The following IGF2BP3 variants were observed in gnomAD, a reference collection of about 807,000 sequenced individuals.
IGF2BP3 encodes the protein insulin like growth factor 2 mRNA binding protein 3.
IGF2BP3 carries 9 observed loss-of-function variants against 73.8 expected under a neutral mutation model. The ratio of observed to expected loss-of-function variants is 0.12; its 90% CI spans 0.07 to 0.21. The LOEUF (loss-of-function observed/expected upper bound fraction) is 0.21. Ranked by LOEUF, IGF2BP3 falls within the 10% of genes least tolerant of loss-of-function variation. The pLI is 1.00. For missense variants in IGF2BP3, 542 were observed against 714.0 expected, an observed-to-expected ratio of 0.76 and a Z score of 2.75; for synonymous variants, 258 against 256.7, an observed-to-expected ratio of 1.01 and a Z score of -0.05.
At chr7:23,365,098 G>A (rs182846976) in intron 3 of IGF2BP3, among the ~76,000 whole-genome samples, 1 of 152,064 alleles carries the variant, frequency 6.6e-6, no homozygotes, top group African/African-American at 2.4e-5. Context: ...CCTGGGAGGT[G>A]GAGGTGGCAG....
intron 2 of IGF2BP3, among the ~76,000 whole-genome samples, chr7:23,427,224 T>C (rs986531055): frequency 1.3e-5 from 2 of 152,044 alleles, no homozygotes; most frequent in African/African-American, 4.8e-5. Flanking sequence ...TGCATAAATA[T>C]AGGTGTATGA....
intron 2 of IGF2BP3, among the ~76,000 whole-genome samples, chr7:23,440,962 C>T (rs1414623660): frequency 6.6e-6 from 1 of 152,004 alleles, no homozygotes; most frequent in Non-Finnish European, 1.5e-5. Context: ...AGTTATTTAC[C>T]CCTATGTTTA....
intron 2 of IGF2BP3, among the ~76,000 whole-genome samples, chr7:23,449,544 TTTTC>T (rs1183671694): frequency 1.6e-5 from 2 of 125,292 alleles, no homozygotes; most frequent in Non-Finnish European, 1.8e-5. Context: ...TTTTTTTCCT[TTTTC>T]TTTTTCTTTT....
chr7:23,420,134 C>T (rs1200209585), intron 2 of IGF2BP3, among the ~76,000 whole-genome samples: 1 of 152,184 alleles, frequency 6.6e-6, no homozygotes, highest in Non-Finnish European at 1.5e-5. Context: ...AAAACAAAAA[C>T]TAGCAATTGA....
chr7:23,441,775 A>T (rs1047163297), intron 2 of IGF2BP3, among the ~76,000 whole-genome samples: 1 of 152,092 alleles, frequency 6.6e-6, no homozygotes, highest in Non-Finnish European at 1.5e-5. Flanking sequence ...TAAAAATATT[A>T]TACTTGTATC....
At chr7:23,321,506 G>C (rs1331614438) in intron 10 of IGF2BP3, among the ~76,000 whole-genome samples, 1 of 152,314 alleles carries the variant, frequency 6.6e-6, no homozygotes, top group South Asian at 2.1e-4. Context: ...AGGGGTGCCC[G>C]CCATTGCCCA....
At chr7:23,409,083 G>A (rs1288036054) in intron 3 of IGF2BP3, among the ~76,000 whole-genome samples, 1 of 152,136 alleles carries the variant, frequency 6.6e-6, no homozygotes, top group African/African-American at 2.4e-5. Flanking sequence ...GTTCACAATA[G>A]GGTATGCATT....
intron 10 of IGF2BP3, among the ~76,000 whole-genome samples, chr7:23,329,301 T>C (rs1259941064): frequency 2.6e-5 from 4 of 152,186 alleles, no homozygotes; most frequent in Non-Finnish European, 5.9e-5. Flanking sequence ...CTTTTTTCAC[T>C]CAAACGTCCC....
At chr7:23,345,387 A>G (rs1195352068) in intron 8 of IGF2BP3, among the ~76,000 whole-genome samples, 5 of 152,228 alleles carry the variant, frequency 3.3e-5, no homozygotes, top group African/African-American at 9.6e-5. Flanking sequence ...CTATGTCATA[A>G]AAGACATTGC....
chr7:23,366,322 G>T (rs191916913), intron 3 of IGF2BP3, among the ~76,000 whole-genome samples: 2 of 152,058 alleles, frequency 1.3e-5, no homozygotes, highest in South Asian at 4.2e-4. Context: ...ATTTTTAGTA[G>T]AGACGGGGTT....
intron 3 of IGF2BP3, among the ~76,000 whole-genome samples, chr7:23,397,300 G>C (rs1786507736): frequency 6.6e-6 from 1 of 152,234 alleles, no homozygotes; most frequent in South Asian, 2.1e-4. Flanking sequence ...CTTCTAAGAA[G>C]AGGCAGAAGC....
chr7:23,339,151 T>A (rs1414571214), intron 10 of IGF2BP3, among the ~76,000 whole-genome samples: 1 of 152,266 alleles, frequency 6.6e-6, no homozygotes, highest in African/African-American at 2.4e-5. Flanking sequence ...CTCCTTCTAA[T>A]TGCACCTATT....
chr7:23,374,433 G>C (rs1467931076), intron 3 of IGF2BP3, among the ~76,000 whole-genome samples: 1 of 152,114 alleles, frequency 6.6e-6, no homozygotes, highest in African/African-American at 2.4e-5. Context: ...GGGAGGCCAA[G>C]TTATCACTTG....
intron 2 of IGF2BP3, among the ~76,000 whole-genome samples, chr7:23,463,689 CAT>C (rs1426546445): frequency 6.6e-6 from 1 of 152,192 alleles, no homozygotes; most frequent in Non-Finnish European, 1.5e-5. Flanking sequence ...TGGCACATGT[CAT>C]GTTTCCGTAA....
At chr7:23,435,061 C>T (rs908920971) in intron 2 of IGF2BP3, among the ~76,000 whole-genome samples, 8 of 151,734 alleles carry the variant, frequency 5.3e-5, no homozygotes, top group Admixed American at 1.3e-4. Context: ...TTTGAGAGGC[C>T]GAGGCAGGTG....
At chr7:23,434,523 T>G (rs931511414) in intron 2 of IGF2BP3, among the ~76,000 whole-genome samples, 2 of 152,236 alleles carry the variant, frequency 1.3e-5, no homozygotes, top group Non-Finnish European at 2.9e-5. Flanking sequence ...AGAAACTCAG[T>G]ATGAGAATTC....
At chr7:23,409,890 C>T (rs890109620) in intron 3 of IGF2BP3, among the ~76,000 whole-genome samples, 17 of 152,114 alleles carry the variant, frequency 1.1e-4, no homozygotes, top group African/African-American at 3.9e-4. Flanking sequence ...AACTTTTGGC[C>T]AGGTGCGATG....
At chr7:23,463,732 T>C (rs1788501255) in intron 2 of IGF2BP3, among the ~76,000 whole-genome samples, 1 of 152,204 alleles carries the variant, frequency 6.6e-6, no homozygotes, top group African/African-American at 2.4e-5. Context: ...TGGACAGCCA[T>C]ACAGTAGAAG....
Position 23,313,523 on chromosome 7 carries a change from G to A in IGF2BP3, c.1526C>T (p.Thr509Met), listed in dbSNP as rs1200211397. ...AGRVIGKGGK[T>M]VNELQNLSSA... ...CACAGGTTTTGCTGAAGTACTTGCC[G>A]TTTTGCCTCCTTTTCCAATAACTCT... The change falls in exon 13 of 15, where the codon ACG becomes ATG. Residue 509 changes from threonine (T) to methionine (M), a missense_variant and splice_region_variant. Coordinates refer to ENST00000258729, the MANE Select transcript of IGF2BP3 (RefSeq NM_006547.3). 1.5e-5 allele frequency: 24 copies of A among 1,613,594 alleles called. No homozygotes were observed. In the East Asian group the frequency reaches 1.8e-4, roughly 12 times the overall value.
Sources: gnomAD v4.1 joint callset for allele counts (sites outside exome capture counted in the v4.1 genomes callset) on GRCh38, gnomAD v4.1.1 for gene constraint, MANE v1.5 for transcripts, NCBI Gene and HGNC (gene_info 2026-07-23, HGNC 2026-07-21) for gene names.